The following INTS1 variants were observed in gnomAD, a reference collection of about 807,000 sequenced individuals.
INTS1 encodes integrator complex subunit 1.
A neutral mutation model predicts 241.6 loss-of-function variants in INTS1; 137 were observed. The observed-to-expected ratio is 0.57, with a 90% confidence interval of 0.49 to 0.65. The LOEUF is 0.65. INTS1 is among the 30% of genes least tolerant of loss of function. The pLI is 0.00. For synonymous variants in INTS1, 1,692 were observed against 1,337.8 expected, an observed-to-expected ratio of 1.26 and a Z score of -5.78; for missense variants, 3,073 against 3,032.2, an observed-to-expected ratio of 1.01 and a Z score of -0.32.
chr7:1,484,023 C>A lies in INTS1; in HGVS notation c.3409G>T (p.Gly1137Cys). The change falls in exon 25 of 48, where the codon GGC becomes TGC. Residue 1137 changes from glycine (G) to cysteine (C), a missense_variant. By Grantham distance (159) the Gly-to-Cys change is radical. Coordinates refer to ENST00000404767, the MANE Select transcript of INTS1 (RefSeq NM_001080453.3). Reference protein sequence around the residue: ...YVRRMRQSKEGEEVYSWSESQ... With the variant: ...YVRRMRQSKECEEVYSWSESQ... ...CTCACCCAGCTGTAGACCTCCTCGC[C>A]CTCCTTGCTCTGCCGCATGCGCCTC... is the stretch of plus-strand genomic sequence containing the variant. 1.2e-6 allele frequency: 2 copies of A among 1,609,812 alleles called. No individual in the cohort carries two copies. Among genetic ancestry groups the A allele is most frequent in the Non-Finnish European group, 1.7e-6 (2 of 1,178,210 alleles).
chr7:1,472,092 C>T (rs1781495900), intron 44 of INTS1, among the ~76,000 whole-genome samples, 181 bp downstream of exon 44: 1 of 152,222 alleles, frequency 6.6e-6, no homozygotes. Flanking sequence ...CCCTGGGCCC[C>T]TGAGTTTCTA....
rs767705993 is a variant in INTS1 at position 1,503,055 on chromosome 7, C to T, written c.195G>A (p.Leu65=). ...SERKRDAAAA[L]SSASALTGLT... ...GACCGGTGAGGGCCGAGGCACTGGA[C>T]AACGCGGCCGCCGCATCCCGCTTGC... Residue 65 remains leucine (L), a synonymous_variant, in exon 3 of 48, where the codon TTG becomes TTA. Coordinates refer to ENST00000404767, the MANE Select transcript of INTS1 (RefSeq NM_001080453.3). 2 of 1,613,272 alleles carry T rather than the reference C, an allele frequency of 1.2e-6. No homozygotes were observed. Among genetic ancestry groups the T allele is most frequent in the African/African-American group, 2.7e-5 (2 of 74,900 alleles).
Position 1,495,567 on chromosome 7 carries a change from G to A in INTS1, c.1712-14C>T, listed in dbSNP as rs752862496. 1.0e-5 allele frequency: 16 copies of A among 1,603,124 alleles called. No individual in the cohort carries two copies. The highest frequency in any genetic ancestry group is 4.0e-5 in the African/African-American group (3 of 74,722). Reference sequence around the variant, plus strand: ...GCACTTCCAGGTCTGAAACAGACACGCAGCTTAGTGGCCCATCCGAGCCAT... The same window carrying A: ...GCACTTCCAGGTCTGAAACAGACACACAGCTTAGTGGCCCATCCGAGCCAT... On this transcript the variant is annotated splice_polypyrimidine_tract_variant and intron_variant, in intron 12 of 47. Coordinates refer to ENST00000404767, the MANE Select transcript of INTS1 (RefSeq NM_001080453.3).
At chr7:1,492,917 A>C in intron 16 of INTS1, 93 bp downstream of exon 16, 1 of 702,018 alleles carries the variant, frequency 1.4e-6, no homozygotes, top group Admixed American at 2.5e-5. Context: ...CCCGGGCGGG[A>C]GTGGGGAGCG....
intron 39 of INTS1, among the ~76,000 whole-genome samples, chr7:1,475,610 G>A (rs550952792): frequency 3.9e-5 from 6 of 152,204 alleles, no homozygotes; most frequent in South Asian, 2.1e-4. Flanking sequence ...GCCAAGACCC[G>A]GGCACGAGTC....
At chr7:1,474,139 G>T (rs1002572907) in intron 41 of INTS1, 29 bp downstream of exon 41, 13 of 1,536,708 alleles carry the variant, frequency 8.5e-6, no homozygotes, top group Non-Finnish European at 1.0e-5. Flanking sequence ...GTGGAAGGGA[G>T]CGCGAGGGCG....
chr7:1,488,875 C>T, intron 18 of INTS1, among the ~76,000 whole-genome samples: 1 of 152,230 alleles, frequency 6.6e-6, no homozygotes, highest in Non-Finnish European at 1.5e-5. Context: ...CCCACCTGCA[C>T]TGAACTGTCC....
chr7:1,497,048 G>A lies in INTS1; in HGVS notation c.1602+90C>T. ...ACGCTCAGCCAGAGCATCCGAAGGG[G>A]TGGAGTGTGCATGGGACCCAGGACG... On this transcript the variant is annotated intron_variant, in intron 11 of 47. Coordinates refer to ENST00000404767, the MANE Select transcript of INTS1 (RefSeq NM_001080453.3). This position sits in a 1 kb window ranked among gnomAD's most constrained non-coding sequence, Gnocchi z 5.3. 2 of 1,303,550 alleles carry A rather than the reference G, an allele frequency of 1.5e-6. No individual in the cohort carries two copies. The highest frequency in any genetic ancestry group is 2.1e-6 in the Non-Finnish European group (2 of 965,418). 80.7% of individuals were successfully genotyped at this position (1,303,550 alleles called of 1,614,324 possible).
rs1782801933 is a variant in INTS1 at position 1,495,504 on chromosome 7, C to A, written c.1761G>T (p.Arg587=). The change falls in exon 13 of 48, where the codon CGG becomes CGT. Residue 587 remains arginine (R), a synonymous_variant. Coordinates refer to ENST00000404767, the MANE Select transcript of INTS1 (RefSeq NM_001080453.3). The part of the protein sequence containing the change: ...SFQNQIAAIQ[R]DAVWWLHTVV... ...CAGTGTGGAGCCACCAGACGGCATC[C>A]CGCTGGATGGCGGCAATCTGGTTCT... The A allele has an allele frequency of 1.2e-6, 2 of 1,612,748 alleles. No homozygotes were observed. Among genetic ancestry groups the A allele is most frequent in the Non-Finnish European group, 1.7e-6 (2 of 1,179,714 alleles).
intron 1 of INTS1, 89 bp from the exon 2 acceptor site, chr7:1,504,090 G>C: frequency 1.4e-6 from 1 of 690,892 alleles, no homozygotes; most frequent in South Asian, 2.0e-5. Context: ...GCTTGGGCCT[G>C]GGACCCGGGG....
Position 1,476,387 on chromosome 7 carries a change from C to G in INTS1, c.5220G>C (p.Leu1740=), listed in dbSNP as rs753830597. Reference sequence around the variant, plus strand: ...CCTGGCTCCGCGTCTCCGCCTCGGCCAGGATCAGCTCCACCAGGCTGATGA... The same window carrying G: ...CCTGGCTCCGCGTCTCCGCCTCGGCGAGGATCAGCTCCACCAGGCTGATGA... ...PELISLVELI[L]AEAETRSQDG... Residue 1740 remains leucine, a synonymous_variant, in exon 38 of 48, where the codon CTG becomes CTC. Coordinates refer to ENST00000404767, the MANE Select transcript of INTS1 (RefSeq NM_001080453.3). The G allele has an allele frequency of 1.2e-5, 19 of 1,577,710 alleles. No individual in the cohort carries two copies. The African/African-American group carries it at 2.6e-4, about 21-fold the overall frequency.
chr7:1,503,435 G>A (rs1441083392), intron 2 of INTS1, among the ~76,000 whole-genome samples: 2 of 152,150 alleles, frequency 1.3e-5, no homozygotes, highest in African/African-American at 4.8e-5. Context: ...AAATTAGTGT[G>A]CTTAGTAACC....
Position 1,470,600 on chromosome 7 carries a change from G to C in INTS1, c.6550C>G (p.Leu2184Val), listed in dbSNP as rs1393457268. 10 of 1,578,182 alleles carry C rather than the reference G, an allele frequency of 6.3e-6. No homozygotes were observed. Among genetic ancestry groups the C allele is most frequent in the Non-Finnish European group, 8.6e-6 (10 of 1,162,986 alleles). ...SAQISEALRI[L>V]HMEAVM Reference sequence around the variant, plus strand: ...GCTCACATCACGGCCTCCATATGCAGGATCCTCAGGGCCTCGGAGATCTGC... The same window carrying C: ...GCTCACATCACGGCCTCCATATGCACGATCCTCAGGGCCTCGGAGATCTGC... Residue 2184 changes from leucine (L) to valine (V), a missense_variant, in exon 48 of 48, where the codon CTG becomes GTG. By Grantham distance (32) the Leu-to-Val change is conservative. Coordinates refer to ENST00000404767, the MANE Select transcript of INTS1 (RefSeq NM_001080453.3).
chr7:1,473,480 G>GAC, intron 42 of INTS1, 86 bp downstream of exon 42: 2 of 1,474,528 alleles, frequency 1.4e-6, no homozygotes, highest in East Asian at 4.9e-5. Context: ...TATCTGACAC[G>GAC]ACACGGCCTT....
At position 1,503,821 on chromosome 7, in the gene INTS1, G is replaced by T. The variant is rs550691955; in HGVS notation, c.58+82C>A. ...CTGCGGAACAACCAAGCCCAACGCA[G>T]GATCCGCGGCAGCTGAGATCCCCAA... On this transcript the variant is annotated intron_variant, in intron 2 of 47. Coordinates refer to ENST00000404767, the MANE Select transcript of INTS1 (RefSeq NM_001080453.3). The T allele has an allele frequency of 5.4e-4, 552 of 1,016,554 alleles. No homozygotes were observed. The African/African-American group carries it at 8.6e-3, about 16-fold the overall frequency. 63.0% of individuals were successfully genotyped at this position (1,016,554 alleles called of 1,614,324 possible).
At chr7:1,485,569 G>A (rs1782218593) in intron 22 of INTS1, 100 bp from the exon 23 acceptor site, 3 of 1,278,572 alleles carry the variant, frequency 2.3e-6, no homozygotes, top group African/African-American at 1.5e-5. Flanking sequence ...GAGCCCCGAG[G>A]AGAATGTGGC....
intron 14 of INTS1, chr7:1,494,367 G>T: frequency 4.2e-6 from 1 of 239,584 alleles, no homozygotes; most frequent in Non-Finnish European, 8.2e-6. Flanking sequence ...CCCCAGGCGG[G>T]GCTGGAGGGG....
At chr7:1,472,151 C>T in intron 44 of INTS1, 122 bp downstream of exon 44, 2 of 736,768 alleles carry the variant, frequency 2.7e-6, no homozygotes, top group Non-Finnish European at 4.7e-6. Context: ...CCCACCCACC[C>T]ACAGCCCAGC....
At chr7:1,483,353 G>A (rs779663596) in intron 26 of INTS1, 35 of 350,356 alleles carry the variant, frequency 1.0e-4, no homozygotes, top group Admixed American at 3.5e-4. Context: ...CCTGGGCCCC[G>A]GGGAGAGGAC....
Sources: allele counts gnomAD v4.1 joint callset (sites outside exome capture counted in the v4.1 genomes callset), GRCh38; gene constraint gnomAD v4.1.1; non-coding constraint Gnocchi (gnomAD v3.1); transcripts MANE v1.5; gene names NCBI Gene and HGNC (gene_info 2026-07-23, HGNC 2026-07-21).